Variants in SMG5 observed in about 807,000 individuals in gnomAD.
SMG5 encodes nonsense-mediated mRNA decay factor SMG5.
SMG5 carries 53 observed loss-of-function variants against 122.9 expected under a neutral mutation model. The ratio of observed to expected loss-of-function variants is 0.43; its 90% CI spans 0.35 to 0.54. SMG5 has a LOEUF of 0.54. Ranked by LOEUF, SMG5 falls within the 20% of genes least tolerant of loss-of-function variation. The probability of loss-of-function intolerance (pLI) is 0.01; values close to 1 mark genes in which losing one functional copy is unlikely to be tolerated. For synonymous variants in SMG5, 477 were observed against 490.2 expected (o/e 0.97, Z 0.35); for missense variants, 1,153 against 1,285.6 (o/e 0.90, Z 1.58).
At chr1:156,288,763 C>T in the SMG5 span, among the ~76,000 whole-genome samples, 1 of 152,218 alleles carries the variant, frequency 6.6e-6, no homozygotes, top group Non-Finnish European at 1.5e-5. Context: ...TCCCACCAGC[C>T]TCCTGACCAT....
rs779166037 is a variant in SMG5, at chr1:156,250,638, C to G, written c.3000G>C (p.Val1000=). The change falls in exon 22 of 22, where the codon GTG becomes GTC. Residue 1000 remains valine (V), a synonymous_variant. Transcript: ENST00000361813. ...AGAAGTCCAGAACATTCTTGATGTC[C>G]ACACTGGCGTGGGCAGCGGCCTGCA... ...AALQAAAHAS[V]DIKNVLDFYK... The G allele has an allele frequency of 4.3e-6, 7 of 1,614,194 alleles. No individual in the cohort carries two copies. The South Asian group carries it at 7.7e-5, about 18-fold the overall frequency.
chr1:156,260,308 G>C, intron 15 of SMG5, 143 bp downstream of exon 15: 2 of 1,010,458 alleles, frequency 2.0e-6, no homozygotes, highest in Non-Finnish European at 2.9e-6. Flanking sequence ...AATGAAGAAG[G>C]AAGCACAGCC....
chr1:156,267,327 C>G, intron 10 of SMG5, 143 bp downstream of exon 10: 1 of 762,096 alleles, frequency 1.3e-6, no homozygotes, highest in Non-Finnish European at 2.1e-6. Context: ...ATCCCTTGGC[C>G]CTTACTTGCC....
intron 1 of SMG5, among the ~76,000 whole-genome samples, chr1:156,281,397 C>T (rs185444416): frequency 4.1e-4 from 62 of 152,334 alleles, no homozygotes; most frequent in Middle Eastern, 3.4e-3. Flanking sequence ...CACTGACACT[C>T]GGCAGCATGA....
intron 1 of SMG5, among the ~76,000 whole-genome samples, chr1:156,281,827 A>T (rs1662963248): frequency 6.6e-6 from 1 of 152,232 alleles, no homozygotes; most frequent in Non-Finnish European, 1.5e-5. Context: ...GGAAGAGCTC[A>T]TTCGGGCCTG....
At chr1:156,285,167 T>G, upstream of SMG5, 4 of 1,498,514 alleles carry the variant, frequency 2.7e-6, no homozygotes, top group Non-Finnish European at 3.6e-6. Flanking sequence ...GACAGAGCTT[T>G]CCTCTGTTCC....
the SMG5 span, chr1:156,291,459 T>C: frequency 1.9e-6 from 3 of 1,613,706 alleles, no homozygotes; most frequent in South Asian, 1.1e-5. Context: ...TTTCTGCCAC[T>C]GCTGTCGATG....
intron 11 of SMG5, 62 bp downstream of exon 11, chr1:156,266,479 T>G: frequency 6.2e-7 from 1 of 1,610,626 alleles, no homozygotes; most frequent in South Asian, 1.1e-5. Context: ...CTGTGTTCCT[T>G]TCCTTCATCC....
chr1:156,250,630 T>C lies in SMG5; in HGVS notation c.3008A>G (p.Lys1003Arg), dbSNP rs1355322220. The change falls in exon 22 of 22, where the codon AAG (lysine) becomes AGG (arginine). Residue 1003 changes from lysine to arginine, a missense_variant. Physicochemically the swap from Lys to Arg is conservative, Grantham distance 26. This residue lies in a region of SMG5 where 84 missense variants were observed against 82.3 expected (regional missense o/e 1.02). Transcript: ENST00000361813. Reference sequence around the variant, plus strand: ...CTGCTTGTAGAAGTCCAGAACATTCTTGATGTCCACACTGGCGTGGGCAGC... The same window carrying C: ...CTGCTTGTAGAAGTCCAGAACATTCCTGATGTCCACACTGGCGTGGGCAGC... ...QAAAHASVDIKNVLDFYKQWK... is the reference protein window; with the variant it reads ...QAAAHASVDIRNVLDFYKQWK... 1.2e-6 allele frequency: 2 copies of C among 1,614,166 alleles called. No individual in the cohort carries two copies. Among genetic ancestry groups the C allele is most frequent in the South Asian group, 2.2e-5 (2 of 91,078 alleles).
chr1:156,285,060 C>A, upstream of SMG5: 1 of 697,912 alleles, frequency 1.4e-6, no homozygotes, highest in South Asian at 3.4e-5. Flanking sequence ...CACGTTCTCC[C>A]TAAGGCTCCA....
chr1:156,266,604 G>C lies in SMG5; in HGVS notation c.1192C>G (p.Arg398Gly). Reference sequence around the variant, plus strand: ...CCCTCTTCCAGCTCAGCCTGCAGCCGTATGTTGACATGATTGACGAGGTGG... The same window carrying C: ...CCCTCTTCCAGCTCAGCCTGCAGCCCTATGTTGACATGATTGACGAGGTGG... ...FSHLVNHVNI[R>G]LQAELEEGEN... The change falls in exon 11 of 22, where the codon CGG (arginine) becomes GGG (glycine). Residue 398 changes from arginine to glycine, a missense_variant. Coordinates refer to ENST00000361813, the MANE Select transcript of SMG5 (RefSeq NM_015327.3). 2.5e-6 allele frequency: 4 copies of C among 1,614,118 alleles called. No individual in the cohort carries two copies. Among genetic ancestry groups the C allele is most frequent in the Non-Finnish European group, 3.4e-6 (4 of 1,180,040 alleles).
At position 156,253,006 on chromosome 1, in the gene SMG5, G is replaced by C. The variant is rs1401067047; in HGVS notation, c.2575C>G (p.Pro859Ala). 1 of 1,613,294 alleles carries C rather than the reference G, an allele frequency of 6.2e-7. No homozygotes were observed. Among genetic ancestry groups the C allele is most frequent in the Non-Finnish European group, 8.5e-7 (1 of 1,179,840 alleles). Residue 859 changes from proline to alanine, a missense_variant, in exon 18 of 22, where the codon CCT (proline) becomes GCT (alanine). Pro to Ala is a conservative substitution (Grantham distance 27). This residue lies in a region of SMG5 where 140 missense variants were observed against 227.8 expected (regional missense o/e 0.61). Transcript: ENST00000361813. ...AQSAMSPYLVPDTQALCHHLP... is the reference protein window; with the variant it reads ...AQSAMSPYLVADTQALCHHLP... ...TGGTGGCAGAGGGCCTGGGTGTCAG[G>C]GACGAGGTAGGGAGACATGGCTGAC... is the stretch of plus-strand genomic sequence containing the variant.
chr1:156,262,272 G>A (rs963888860), intron 13 of SMG5, among the ~76,000 whole-genome samples: 8 of 151,904 alleles, frequency 5.3e-5, no homozygotes, highest in African/African-American at 9.7e-5. Flanking sequence ...TGAGGCAGGC[G>A]GATCAAGACC....
rs1661271949 is a variant in SMG5, at chr1:156,250,061, G to A, written c.*526C>T. Reference sequence around the variant, plus strand: ...CTGTGGCTGGCTCCAGAGCTGCCTGGTCCCCATAAAGGGGGCTGAAAGGAG... The same window carrying A: ...CTGTGGCTGGCTCCAGAGCTGCCTGATCCCCATAAAGGGGGCTGAAAGGAG... On this transcript the variant is annotated 3_prime_UTR_variant, in exon 22 of 22. Transcript: ENST00000361813. 1 of 409,296 alleles carries A rather than the reference G, an allele frequency of 2.4e-6. No individual in the cohort carries two copies. Among genetic ancestry groups the A allele is most frequent in the Admixed American group, 2.8e-5 (1 of 36,138 alleles). The allele number at this position is 409,296 out of a possible 1,614,324, so 25.4% of individuals were successfully genotyped here.
intron 12 of SMG5, among the ~76,000 whole-genome samples, chr1:156,265,034 A>ACACACACAC: frequency 2.1e-5 from 1 of 46,524 alleles, no homozygotes; most frequent in East Asian, 6.3e-4. Flanking sequence ...TCAAAAAAAA[A>ACACACACAC]ATACACACAC....
intron 1 of SMG5, 35 bp downstream of exon 1, chr1:156,282,572 C>T (rs1160300657): frequency 1.3e-6 from 2 of 1,588,308 alleles, no homozygotes; most frequent in Non-Finnish European, 1.7e-6. Flanking sequence ...CCCCACTTCC[C>T]TCGGTGGCTG....
intron 1 of SMG5, 75 bp downstream of exon 1, chr1:156,282,532 C>G: frequency 6.7e-7 from 1 of 1,500,742 alleles, no homozygotes; most frequent in Non-Finnish European, 9.0e-7. Flanking sequence ...CGGGCCCCGC[C>G]CGCCCGGGAG....
chr1:156,267,788 C>G (rs1309563444), intron 9 of SMG5, 110 bp from the exon 10 acceptor site: 5 of 956,620 alleles, frequency 5.2e-6, no homozygotes, highest in African/African-American at 3.3e-5. Flanking sequence ...CAGGGGAGAC[C>G]TGAGAGCACA....
chr1:156,258,383 C>T lies in SMG5; in HGVS notation c.2442+622G>A, dbSNP rs562183379. Among the ~76,000 whole-genome samples, 11 of 152,368 alleles carry T rather than the reference C, an allele frequency of 7.2e-5. No homozygotes were observed. The South Asian group carries it at 2.1e-3, about 29-fold the overall frequency. On this transcript the variant is annotated intron_variant, in intron 16 of 21. Coordinates refer to ENST00000361813, the MANE Select transcript of SMG5 (RefSeq NM_015327.3). ...ATTCTGTTTGTTCCCACATAACTGA[C>T]AAGGAAACTGGCGTGGTGAGGTTAA...
Sources: allele counts gnomAD v4.1 joint callset (sites outside exome capture counted in the v4.1 genomes callset), GRCh38; gene constraint gnomAD v4.1.1; regional missense constraint gnomAD v4.1.1; transcripts MANE v1.5; gene names NCBI Gene and HGNC (gene_info 2026-07-23, HGNC 2026-07-21).